Variants in DOK5 observed in about 807,000 individuals in gnomAD.
The protein encoded by DOK5 is downstream of tyrosine kinase 5.
In DOK5, 27 loss-of-function variants were observed where a neutral mutation model predicts 43.3. That is an observed-to-expected ratio of 0.62 (90% confidence interval 0.46 to 0.86). The LOEUF is 0.86. DOK5 is among the 40% of genes least tolerant of loss of function. The pLI, the probability that DOK5 is intolerant of heterozygous loss-of-function variation, is 0.00. For missense variants in DOK5, 373 were observed against 392.9 expected (o/e 0.95, Z 0.43); for synonymous variants, 146 against 140.1 (o/e 1.04, Z -0.30).
At chr20:54,532,181 T>A (rs1483820773) in intron 1 of DOK5, among the ~76,000 whole-genome samples, 1 of 152,250 alleles carries the variant, frequency 6.6e-6, no homozygotes, top group South Asian at 2.1e-4. Context: ...ATGTAGTAAC[T>A]CATTTGACCC....
chr20:54,615,778 C>T (rs748561250), intron 6 of DOK5, among the ~76,000 whole-genome samples: 1 of 151,942 alleles, frequency 6.6e-6, no homozygotes, highest in Non-Finnish European at 1.5e-5. Flanking sequence ...GGCGTGGTGG[C>T]GTGTGCCTGT....
At chr20:54,642,036 T>C (rs1979144516) in intron 6 of DOK5, among the ~76,000 whole-genome samples, 1 of 152,128 alleles carries the variant, frequency 6.6e-6, no homozygotes. Flanking sequence ...ACCTGCGTCA[T>C]GATTGTGTCT....
At chr20:54,495,266 G>A (rs76046412) in intron 1 of DOK5, 5,220 of 152,252 alleles carry the variant, frequency 0.034, 137 homozygotes, top group Non-Finnish European at 0.053. Context: ...TTAAAGAAAT[G>A]TTACTTTAGC....
chr20:54,503,113 G>T (rs1471140856), intron 1 of DOK5, among the ~76,000 whole-genome samples: 1 of 152,180 alleles, frequency 6.6e-6, no homozygotes, highest in African/African-American at 2.4e-5. Flanking sequence ...GCATTTAGTT[G>T]TAAGTCAGTG....
chr20:54,528,788 G>T (rs565475796), intron 1 of DOK5, among the ~76,000 whole-genome samples: 1 of 152,082 alleles, frequency 6.6e-6, no homozygotes, highest in African/African-American at 2.4e-5. Flanking sequence ...GATGAAGAGC[G>T]GGAACCCTTC....
intron 2 of DOK5, among the ~76,000 whole-genome samples, chr20:54,562,336 G>A (rs1186641785): frequency 6.6e-6 from 1 of 152,164 alleles, no homozygotes; most frequent in Non-Finnish European, 1.5e-5. Context: ...CAAATTCTCT[G>A]TCATCTGAGC....
At chr20:54,484,366 C>T (rs1038542276) in intron 1 of DOK5, among the ~76,000 whole-genome samples, 1 of 149,126 alleles carries the variant, frequency 6.7e-6, no homozygotes, top group Non-Finnish European at 1.5e-5. Context: ...GGAAAAAGAG[C>T]AAGACTTCAT....
At chr20:54,638,738 ATTTCT>A (rs888441998) in intron 6 of DOK5, among the ~76,000 whole-genome samples, 1 of 137,764 alleles carries the variant, frequency 7.3e-6, no homozygotes, top group African/African-American at 2.7e-5. Context: ...CCATAACACC[ATTTCT>A]TTTCTTTTCT....
intron 6 of DOK5, among the ~76,000 whole-genome samples, chr20:54,626,355 G>T (rs995895179): frequency 6.6e-6 from 1 of 152,130 alleles, no homozygotes; most frequent in East Asian, 1.9e-4. Flanking sequence ...GGAATGAGTG[G>T]CTCCATCTGG....
At chr20:54,570,520 C>G (rs1265661854) in intron 2 of DOK5, among the ~76,000 whole-genome samples, 1 of 152,158 alleles carries the variant, frequency 6.6e-6, no homozygotes, top group Non-Finnish European at 1.5e-5. Context: ...TAGGATACAA[C>G]CTACAAAGCA....
chr20:54,599,987 G>C (rs1267151520), intron 5 of DOK5, among the ~76,000 whole-genome samples: 2 of 152,210 alleles, frequency 1.3e-5, no homozygotes, highest in African/African-American at 4.8e-5. Flanking sequence ...AGGGAAGGAT[G>C]ATAGACAGTG....
chr20:54,542,852 G>T (rs1984212530), intron 1 of DOK5, among the ~76,000 whole-genome samples: 5 of 152,198 alleles, frequency 3.3e-5, no homozygotes, highest in Admixed American at 3.3e-4. Context: ...GGAGCAATGT[G>T]TTCAGATTAC....
rs548700044 is a variant in DOK5, at chr20:54,578,410, C to A, written c.175-10073C>A. Among the ~76,000 whole-genome samples the A allele has an allele frequency of 7.9e-5, 12 of 151,998 alleles. No homozygotes were observed. In the South Asian group the frequency reaches 2.5e-3, roughly 32 times the overall value. ...AAGAGAAAGAACTCTGGAACCTAAGCCTAAATATATCCTGAAAAAAGAAAA... is the reference window on the plus strand; with the variant it reads ...AAGAGAAAGAACTCTGGAACCTAAGACTAAATATATCCTGAAAAAAGAAAA... On this transcript the variant is annotated intron_variant, in intron 2 of 7. Transcript: ENST00000262593.
chr20:54,627,646 C>T (rs897591401), intron 6 of DOK5, among the ~76,000 whole-genome samples: 43 of 152,212 alleles, frequency 2.8e-4, no homozygotes, highest in African/African-American at 1.0e-3. Context: ...GGTAAGGGTA[C>T]GGGAAAGAAA....
chr20:54,626,256 G>A (rs937626342), intron 6 of DOK5, among the ~76,000 whole-genome samples: 1 of 152,196 alleles, frequency 6.6e-6, no homozygotes, highest in African/African-American at 2.4e-5. Flanking sequence ...CGAAAGGGGT[G>A]AGGGAAAGAG....
intron 6 of DOK5, among the ~76,000 whole-genome samples, chr20:54,633,793 C>CT (rs1388710683): frequency 6.6e-5 from 10 of 152,204 alleles, no homozygotes; most frequent in African/African-American, 2.4e-4. Context: ...AGGTACTGAT[C>CT]TTTTTGCCAT....
chr20:54,484,180 A>G (rs1981834674), intron 1 of DOK5, among the ~76,000 whole-genome samples: 1 of 151,972 alleles, frequency 6.6e-6, no homozygotes, highest in Non-Finnish European at 1.5e-5. Context: ...GGAGTTCTAG[A>G]CCAGCCTGGC....
intron 6 of DOK5, among the ~76,000 whole-genome samples, chr20:54,635,067 G>A (rs1463727786): frequency 6.6e-6 from 1 of 151,994 alleles, no homozygotes; most frequent in African/African-American, 2.4e-5. Flanking sequence ...GGGAAGTGGG[G>A]GTCAGACATG....
At chr20:54,538,569 C>A (rs577440826) in intron 1 of DOK5, among the ~76,000 whole-genome samples, 2 of 152,178 alleles carry the variant, frequency 1.3e-5, no homozygotes, top group Admixed American at 6.5e-5. Flanking sequence ...AAACACAATA[C>A]GTTTTCCTTC....
Sources: allele counts gnomAD v4.1 joint callset (sites outside exome capture counted in the v4.1 genomes callset), GRCh38; gene constraint gnomAD v4.1.1; transcripts MANE v1.5; gene names NCBI Gene and HGNC (gene_info 2026-07-23, HGNC 2026-07-21).